AGFG1: variants seen among roughly 807,000 people sequenced by gnomAD.
AGFG1 encodes the protein arf-GAP domain and FG repeat-containing protein 1.
AGFG1 carries 10 observed loss-of-function variants against 60.6 expected under a neutral mutation model. The observed-to-expected ratio is 0.16, with a 90% CI of 0.10 to 0.28. The LOEUF (loss-of-function observed/expected upper bound fraction) is 0.28. Ranked by LOEUF, AGFG1 falls within the 10% of genes least tolerant of loss-of-function variation. The probability of loss-of-function intolerance (pLI) is 1.00; values close to 1 mark genes in which losing one functional copy is unlikely to be tolerated. For synonymous variants in AGFG1, 247 were observed against 242.9 expected (o/e 1.02, Z -0.16); for missense variants, 537 against 676.5 (o/e 0.79, Z 2.29).
intron 2 of AGFG1, among the ~76,000 whole-genome samples, chr2:227,494,830 G>T (rs1168450794): frequency 1.3e-5 from 2 of 152,198 alleles, no homozygotes; most frequent in Non-Finnish European, 2.9e-5. Context: ...AGTGAGAGGG[G>T]CTACCAAGTT....
chr2:227,491,011 T>TA (rs1245128584), intron 1 of AGFG1, among the ~76,000 whole-genome samples: 3 of 152,306 alleles, frequency 2.0e-5, no homozygotes, highest in Middle Eastern at 3.4e-3. Context: ...AAATTCTTAC[T>TA]TGAATTGATG....
intron 10 of AGFG1, among the ~76,000 whole-genome samples, chr2:227,548,053 A>G (rs1401045709): frequency 6.6e-6 from 1 of 152,262 alleles, no homozygotes; most frequent in African/African-American, 2.4e-5. Context: ...ATGAACCTTG[A>G]AAACATTCTG....
chr2:227,482,418 G>C (rs1224209827), intron 1 of AGFG1, among the ~76,000 whole-genome samples: 5 of 152,074 alleles, frequency 3.3e-5, no homozygotes, highest in Non-Finnish European at 7.4e-5. Context: ...ACGGTGTCTT[G>C]GCATCAATAG....
At chr2:227,472,636 G>T in intron 1 of AGFG1, 48 bp downstream of exon 1, 1 of 1,536,902 alleles carries the variant, frequency 6.5e-7, no homozygotes, top group South Asian at 1.2e-5. Context: ...CCGGGAGGTG[G>T]GGGAGCGGGC....
intron 2 of AGFG1, among the ~76,000 whole-genome samples, chr2:227,493,808 A>C (rs1490204460): frequency 2.0e-5 from 3 of 152,218 alleles, no homozygotes. Flanking sequence ...ATGGTATTAG[A>C]TAAATAATGA....
At chr2:227,529,195 G>A (rs1692088911) in intron 5 of AGFG1, among the ~76,000 whole-genome samples, 1 of 152,044 alleles carries the variant, frequency 6.6e-6, no homozygotes, top group Non-Finnish European at 1.5e-5. Context: ...CCTTGGAGTA[G>A]TTTTTAGTTA....
At chr2:227,502,467 C>G (rs2106184068) in intron 2 of AGFG1, among the ~76,000 whole-genome samples, 1 of 152,160 alleles carries the variant, frequency 6.6e-6, no homozygotes, top group Admixed American at 6.5e-5. Flanking sequence ...ACCACAAGCG[C>G]ACACCACCAG....
chr2:227,558,517 G>A lies in AGFG1; in HGVS notation c.*4022G>A, dbSNP rs1422278031. 1 of 151,994 alleles carries A rather than the reference G, an allele frequency of 6.6e-6. No homozygotes were observed. The highest frequency in any genetic ancestry group is 1.5e-5 in the Non-Finnish European group (1 of 67,988). The allele number at this position is 151,994 out of a possible 1,614,324, so 9.4% of individuals were successfully genotyped here. On this transcript the variant is annotated 3_prime_UTR_variant, in exon 13 of 13. Transcript: ENST00000310078. ...AAAGCATTCCACCTTTATTGATACAGTTTGTGGCCTATACACTTTTAAAAT... is the reference window on the plus strand; with the variant it reads ...AAAGCATTCCACCTTTATTGATACAATTTGTGGCCTATACACTTTTAAAAT...
chr2:227,554,413 A>G (rs374579855), intron 12 of AGFG1, 23 bp from the exon 13 acceptor site: 227 of 1,596,400 alleles, frequency 1.4e-4, no homozygotes, highest in Middle Eastern at 1.0e-3. Flanking sequence ...CTCTTTATTT[A>G]TTTGTCTTAT....
intron 2 of AGFG1, among the ~76,000 whole-genome samples, chr2:227,493,330 G>A (rs886394026): frequency 4.6e-5 from 7 of 152,092 alleles, no homozygotes; most frequent in Admixed American, 1.3e-4. Context: ...TTTATCTTCT[G>A]CCCCTGTTGC....
At chr2:227,517,626 T>G (rs1328303066) in intron 2 of AGFG1, among the ~76,000 whole-genome samples, 1 of 152,184 alleles carries the variant, frequency 6.6e-6, no homozygotes, top group East Asian at 1.9e-4. Context: ...GAAGGGCAAG[T>G]CCTTTCTCCT....
intron 2 of AGFG1, among the ~76,000 whole-genome samples, chr2:227,505,301 A>G (rs900011152): frequency 3.3e-5 from 5 of 152,076 alleles, no homozygotes; most frequent in Non-Finnish European, 4.4e-5. Context: ...TGCTTTGTGT[A>G]TGTGTATGTA....
At chr2:227,537,941 C>G (rs1449199332) in intron 10 of AGFG1, among the ~76,000 whole-genome samples, 2 of 152,112 alleles carry the variant, frequency 1.3e-5, no homozygotes, top group Non-Finnish European at 2.9e-5. Flanking sequence ...TGAGCTGTAA[C>G]TATTTTCTTT....
At chr2:227,508,928 G>C (rs779940258) in intron 2 of AGFG1, among the ~76,000 whole-genome samples, 4 of 152,104 alleles carry the variant, frequency 2.6e-5, no homozygotes, top group Non-Finnish European at 2.9e-5. Flanking sequence ...TCAGCATTCA[G>C]TGTGGAAGTT....
chr2:227,492,076 G>A (rs550223801), intron 2 of AGFG1, among the ~76,000 whole-genome samples: 1 of 152,174 alleles, frequency 6.6e-6, no homozygotes, highest in South Asian at 2.1e-4. Flanking sequence ...GATGTGTAAT[G>A]TTTAGCAGGT....
At chr2:227,481,181 T>A (rs1690449538) in intron 1 of AGFG1, among the ~76,000 whole-genome samples, 1 of 151,818 alleles carries the variant, frequency 6.6e-6, no homozygotes, top group South Asian at 2.1e-4. Flanking sequence ...CCAATCTTCT[T>A]TTTTGGGGAA....
At chr2:227,504,211 T>G in intron 2 of AGFG1, among the ~76,000 whole-genome samples, 1 of 147,720 alleles carries the variant, frequency 6.8e-6, no homozygotes. Flanking sequence ...TTTTTTGAGA[T>G]AGGGTCTCAA....
At chr2:227,517,265 A>AAT (rs962881123) in intron 2 of AGFG1, among the ~76,000 whole-genome samples, 1 of 152,048 alleles carries the variant, frequency 6.6e-6, no homozygotes, top group African/African-American at 2.4e-5. Context: ...AACCACAAGA[A>AAT]ATATATATAT....
intron 10 of AGFG1, among the ~76,000 whole-genome samples, 199 bp downstream of exon 10, chr2:227,537,192 A>C (rs1692339598): frequency 6.6e-6 from 1 of 152,198 alleles, no homozygotes; most frequent in Non-Finnish European, 1.5e-5. Context: ...GGACCTTAGA[A>C]ATTATCTAGT....
Sources: gnomAD v4.1 joint callset for allele counts (sites outside exome capture counted in the v4.1 genomes callset) on GRCh38, gnomAD v4.1.1 for gene constraint, MANE v1.5 for transcripts, NCBI Gene and HGNC (gene_info 2026-07-23, HGNC 2026-07-21) for gene names.